ACTL6A: variants seen among roughly 807,000 people sequenced by gnomAD.
ACTL6A encodes the protein actin-like protein 6A.
In ACTL6A, 5 loss-of-function variants were observed where a neutral mutation model predicts 59.2. The ratio of observed to expected loss-of-function variants is 0.08; its 90% CI spans 0.04 to 0.18. ACTL6A has a LOEUF of 0.18. Ranked by LOEUF, ACTL6A falls within the 10% of genes least tolerant of loss-of-function variation. ACTL6A has a pLI of 1.00. For missense variants in ACTL6A, 285 were observed against 526.9 expected (o/e 0.54, Z 4.49); for synonymous variants, 154 against 171.8 (o/e 0.90, Z 0.81).
chr3:179,583,580 A>C, intron 12 of ACTL6A, 132 bp downstream of exon 12: 1 of 622,920 alleles, frequency 1.6e-6, no homozygotes, highest in Admixed American at 3.1e-5. Flanking sequence ...AGTATCACTA[A>C]AGTTAATATC....
At chr3:179,587,568 T>A (rs1034388360) in intron 13 of ACTL6A, among the ~76,000 whole-genome samples, 1 of 151,898 alleles carries the variant, frequency 6.6e-6, no homozygotes, top group Non-Finnish European at 1.5e-5. Flanking sequence ...GTTTAGGAGT[T>A]ACGAAAATAA....
intron 1 of ACTL6A, among the ~76,000 whole-genome samples, chr3:179,564,313 CA>C (rs1717766252): frequency 6.6e-6 from 1 of 152,078 alleles, no homozygotes; most frequent in Non-Finnish European, 1.5e-5. Flanking sequence ...TAGGAAACAA[CA>C]AAAATAAGAT....
At chr3:179,569,278 G>C (rs572380374) in intron 1 of ACTL6A, among the ~76,000 whole-genome samples, 2 of 152,200 alleles carry the variant, frequency 1.3e-5, no homozygotes, top group East Asian at 1.9e-4. Flanking sequence ...ATTTCTTCTT[G>C]TTTCTTCAGT....
At chr3:179,587,841 C>A in intron 13 of ACTL6A, 89 bp from the exon 14 acceptor site, 2 of 960,830 alleles carry the variant, frequency 2.1e-6, no homozygotes, top group Admixed American at 2.8e-5. Flanking sequence ...GCTGACAGAG[C>A]AAGACCTTCT....
At chr3:179,587,532 C>T (rs988738316) in intron 13 of ACTL6A, among the ~76,000 whole-genome samples, 6 of 151,790 alleles carry the variant, frequency 4.0e-5, no homozygotes, top group East Asian at 3.9e-4. Flanking sequence ...TTTTGGGGGA[C>T]GGGACTCTTA....
chr3:179,567,826 A>T (rs1285385120), intron 1 of ACTL6A, among the ~76,000 whole-genome samples: 1 of 152,192 alleles, frequency 6.6e-6, no homozygotes, highest in Non-Finnish European at 1.5e-5. Flanking sequence ...AATGTAACAA[A>T]TACGTAAACT....
At chr3:179,586,489 A>AAT in intron 12 of ACTL6A, 57 bp from the exon 13 acceptor site, 2 of 1,221,278 alleles carry the variant, frequency 1.6e-6, no homozygotes, top group South Asian at 1.6e-5. Context: ...AAAAAAAAGA[A>AAT]TTTTCTAAGT....
intron 12 of ACTL6A, among the ~76,000 whole-genome samples, chr3:179,585,937 G>T (rs1032241294): frequency 1.3e-5 from 2 of 152,144 alleles, no homozygotes; most frequent in Non-Finnish European, 2.9e-5. Context: ...AAGGGTTGGG[G>T]TGAACTAAGG....
At position 179,576,245 on chromosome 3, in the gene ACTL6A, A is replaced by G; in HGVS notation, c.505A>G (p.Ile169Val). 6.2e-7 allele frequency: 1 copy of G among 1,613,748 alleles called. No individual in the cohort carries two copies. Among genetic ancestry groups the G allele is most frequent in the African/African-American group, 1.3e-5 (1 of 75,000 alleles). ...AFANGRSTGL[I>V]LDSGATHTTA... is the part of the protein sequence containing the mutation. ...TGCTAATGGTCGTTCTACTGGGCTGATTTTGGACAGTGGAGCCACTCATAC... is the reference window on the plus strand; with the variant it reads ...TGCTAATGGTCGTTCTACTGGGCTGGTTTTGGACAGTGGAGCCACTCATAC... The change falls in exon 6 of 14, where the codon ATT (isoleucine) becomes GTT (valine). Residue 169 changes from isoleucine (I) to valine (V), a missense_variant. Transcript: ENST00000429709.
At chr3:179,580,217 CTG>C (rs1718295997) in intron 8 of ACTL6A, among the ~76,000 whole-genome samples, 2 of 152,276 alleles carry the variant, frequency 1.3e-5, no homozygotes, top group South Asian at 4.1e-4. Context: ...TTTTATTAAA[CTG>C]TTTTATACTA....
At position 179,580,927 on chromosome 3, in the gene ACTL6A, A is replaced by G. The variant is rs755237105; in HGVS notation, c.864A>G (p.Glu288=). The G allele has an allele frequency of 1.1e-5, 18 of 1,587,254 alleles. No individual in the cohort carries two copies. The Admixed American group carries it at 1.6e-4, about 14-fold the overall frequency. Residue 288 remains glutamate (E), a synonymous_variant, in exon 10 of 14, where the codon GAA becomes GAG. Coordinates refer to ENST00000429709, the MANE Select transcript of ACTL6A (RefSeq NM_004301.5). The part of the protein sequence containing the change: ...VAAQMPTVHY[E]FPNGYNCDFG... Reference sequence around the variant, plus strand: ...CACAGATGCCAACTGTTCATTATGAATTCCCCAATGGCTACAATTGTGATT... The same window carrying G: ...CACAGATGCCAACTGTTCATTATGAGTTCCCCAATGGCTACAATTGTGATT...
At chr3:179,576,511 A>G in intron 6 of ACTL6A, 109 bp from the exon 7 acceptor site, 1 of 901,294 alleles carries the variant, frequency 1.1e-6, no homozygotes, top group Non-Finnish European at 1.7e-6. Context: ...AGGATAGTTC[A>G]GTTCATTCTA....
In ACTL6A at chr3:179,576,696, A is replaced by G. The variant is rs1718175204; in HGVS notation, c.648A>G (p.Glu216=). The G allele has an allele frequency of 5.0e-6, 8 of 1,613,776 alleles. No homozygotes were observed. Among genetic ancestry groups the G allele is most frequent in the Non-Finnish European group, 6.8e-6 (8 of 1,179,692 alleles). ...AACTCTTCCAAGAAATGAATATTGA[A>G]TTGGTTCCTCCATATATGATTGCAT... is the stretch of plus-strand genomic sequence containing the variant. ...CRELFQEMNI[E]LVPPYMIASK... The change falls in exon 7 of 14, where the codon GAA becomes GAG. Residue 216 remains glutamate (E), a synonymous_variant. Transcript: ENST00000429709.
intron 1 of ACTL6A, among the ~76,000 whole-genome samples, chr3:179,565,941 T>G (rs926982261): frequency 1.3e-5 from 2 of 152,114 alleles, no homozygotes; most frequent in African/African-American, 4.8e-5. Flanking sequence ...TGTAGGGAAT[T>G]GTAGTTTCCC....
rs776277964 is a variant in ACTL6A, at chr3:179,570,247, A to G, written c.277+6A>G. 6.2e-7 allele frequency: 1 copy of G among 1,608,820 alleles called. No homozygotes were observed. ...ACCTCTAAAAAATGGGATGGGTATG[A>G]TGTTTTCCCCATGGAATTGATTATG... On this transcript the variant is annotated splice_donor_region_variant and intron_variant, in intron 3 of 13. Coordinates refer to ENST00000429709, the MANE Select transcript of ACTL6A (RefSeq NM_004301.5). This position sits in a 1 kb window ranked among gnomAD's most constrained non-coding sequence, Gnocchi z 4.3.
rs1192820270 is a variant in ACTL6A at position 179,574,357 on chromosome 3, C to G, written c.379-13C>G. ...TCTTAATAACTTGCATTTCTTTTTC[C>G]CCTCTTCTCAAGTGGAATACTAGAG... On this transcript the variant is annotated splice_polypyrimidine_tract_variant and intron_variant, in intron 4 of 13. Coordinates refer to ENST00000429709, the MANE Select transcript of ACTL6A (RefSeq NM_004301.5). 1 of 1,545,950 alleles carries G rather than the reference C, an allele frequency of 6.5e-7. No homozygotes were observed.
chr3:179,585,143 C>T (rs1393048682), intron 12 of ACTL6A, among the ~76,000 whole-genome samples: 2 of 152,024 alleles, frequency 1.3e-5, no homozygotes, highest in African/African-American at 4.8e-5. Flanking sequence ...GCTCTTGTCC[C>T]CTAGGCTGGA....
chr3:179,572,653 A>C (rs1004540760), intron 3 of ACTL6A, among the ~76,000 whole-genome samples: 1 of 152,082 alleles, frequency 6.6e-6, no homozygotes, highest in Non-Finnish European at 1.5e-5. Context: ...AAAAATGCAA[A>C]AATTAGTTGG....
intron 8 of ACTL6A, among the ~76,000 whole-genome samples, chr3:179,578,875 C>T (rs1718249707): frequency 6.6e-6 from 1 of 152,096 alleles, no homozygotes; most frequent in African/African-American, 2.4e-5. Flanking sequence ...AAGCAATTCT[C>T]CTACCTCAGC....
Sources: gnomAD v4.1 joint callset for allele counts (sites outside exome capture counted in the v4.1 genomes callset) on GRCh38, gnomAD v4.1.1 for gene constraint, Gnocchi (gnomAD v3.1) non-coding constraint, MANE v1.5 for transcripts, NCBI Gene and HGNC (gene_info 2026-07-23, HGNC 2026-07-21) for gene names.